Variants in ROR1 observed in about 807,000 individuals in gnomAD.
ROR1 encodes inactive tyrosine-protein kinase transmembrane receptor ROR1.
ROR1 carries 19 observed loss-of-function variants against 78.8 expected under a neutral mutation model. That is an observed-to-expected ratio of 0.24 (90% confidence interval 0.17 to 0.35). The LOEUF is 0.35. ROR1 is among the 10% of genes least tolerant of loss of function. The probability of loss-of-function intolerance (pLI) is 1.00; values close to 1 mark genes in which losing one functional copy is unlikely to be tolerated. For missense variants in ROR1, 917 were observed against 1,177.8 expected (o/e 0.78, Z 3.24); for synonymous variants, 386 against 433.6 (o/e 0.89, Z 1.36).
chr1:64,078,856 C>T (rs562325270), intron 4 of ROR1, among the ~76,000 whole-genome samples: 3 of 152,064 alleles, frequency 2.0e-5, no homozygotes, highest in African/African-American at 4.8e-5. Flanking sequence ...ATTATAGAGG[C>T]CTTGGTGAAA....
At chr1:64,019,703 T>G (rs908903434) in intron 2 of ROR1, among the ~76,000 whole-genome samples, 2 of 152,140 alleles carry the variant, frequency 1.3e-5, no homozygotes, top group Non-Finnish European at 2.9e-5. Flanking sequence ...ATTGTCACAT[T>G]TAATCCTCAT....
intron 1 of ROR1, among the ~76,000 whole-genome samples, chr1:63,942,975 A>G (rs1645853259): frequency 1.3e-5 from 2 of 151,862 alleles, no homozygotes; most frequent in Admixed American, 1.3e-4. Flanking sequence ...CGATTGTCCC[A>G]GCTACTCAGG....
intron 2 of ROR1, among the ~76,000 whole-genome samples, chr1:64,011,913 G>A (rs2100545882): frequency 6.6e-6 from 1 of 152,304 alleles, no homozygotes; most frequent in African/African-American, 2.4e-5. Context: ...GAGACTATTT[G>A]GAAAGACTGA....
chr1:63,965,993 C>T (rs1166749081), intron 1 of ROR1, among the ~76,000 whole-genome samples: 4 of 152,200 alleles, frequency 2.6e-5, no homozygotes, highest in Non-Finnish European at 5.9e-5. Context: ...GGGGATAGGA[C>T]TGTTACTGAT....
chr1:64,009,180 G>T (rs1646454983), intron 1 of ROR1, 125 bp from the exon 2 acceptor site: 2 of 729,680 alleles, frequency 2.7e-6, no homozygotes, highest in Non-Finnish European at 4.9e-6. Flanking sequence ...TAAGCTATGG[G>T]ATTGCCGTGG....
chr1:63,980,052 T>C (rs576987108), intron 1 of ROR1, among the ~76,000 whole-genome samples: 1 of 152,032 alleles, frequency 6.6e-6, no homozygotes, highest in Non-Finnish European at 1.5e-5. Context: ...GGACCAATGA[T>C]GATAATGTGC....
intron 1 of ROR1, among the ~76,000 whole-genome samples, chr1:63,799,541 T>C (rs1281993240): frequency 6.6e-6 from 1 of 152,240 alleles, no homozygotes; most frequent in Non-Finnish European, 1.5e-5. Context: ...TTCTGCTTTT[T>C]TCCCATTTGT....
chr1:64,089,347 C>A (rs535769050), intron 4 of ROR1, among the ~76,000 whole-genome samples: 1 of 152,036 alleles, frequency 6.6e-6, no homozygotes, highest in Non-Finnish European at 1.5e-5. Flanking sequence ...GTAGCTGGGA[C>A]TACAGGCACA....
intron 4 of ROR1, among the ~76,000 whole-genome samples, chr1:64,119,638 C>CA (rs11338825): frequency 0.012 from 855 of 73,980 alleles, 4 homozygotes; most frequent in East Asian, 0.02. Context: ...GGCTCCGTCT[C>CA]AAAAAAAAAA....
chr1:63,938,673 C>T (rs563366916), intron 1 of ROR1, among the ~76,000 whole-genome samples: 5 of 152,242 alleles, frequency 3.3e-5, no homozygotes, highest in Middle Eastern at 3.4e-3. Context: ...TTTGTTTGTC[C>T]TTGTAATTTT....
intron 1 of ROR1, among the ~76,000 whole-genome samples, chr1:63,775,821 T>C (rs1182034346): frequency 6.6e-6 from 1 of 152,196 alleles, no homozygotes; most frequent in Non-Finnish European, 1.5e-5. Context: ...GATCCTATAA[T>C]GTGGTCGTGC....
At chr1:63,924,121 T>C (rs1407552507) in intron 1 of ROR1, among the ~76,000 whole-genome samples, 1 of 152,182 alleles carries the variant, frequency 6.6e-6, no homozygotes, top group Non-Finnish European at 1.5e-5. Flanking sequence ...TAGGTTTTCA[T>C]TTAGAGAACC....
At chr1:63,972,694 A>G (rs912335688) in intron 1 of ROR1, among the ~76,000 whole-genome samples, 4 of 152,172 alleles carry the variant, frequency 2.6e-5, no homozygotes, top group African/African-American at 9.7e-5. Context: ...AAGGTTGGGC[A>G]TGACCCACTG....
chr1:64,179,018 C>G lies in ROR1; in HGVS notation c.*163C>G. The stretch of plus-strand genomic sequence containing the variant: ...TGTCTTACCAAGCAGGACAGACACT[C>G]GGCCAGAAAAAAAAAAAAAAAAAAA... On this transcript the variant is annotated 3_prime_UTR_variant, in exon 9 of 9. Transcript: ENST00000371079. 3 of 188,462 alleles carry G rather than the reference C, an allele frequency of 1.6e-5. No homozygotes were observed. Among genetic ancestry groups the G allele is most frequent in the Non-Finnish European group, 9.2e-6 (1 of 109,226 alleles). 11.7% of individuals were successfully genotyped at this position (188,462 alleles called of 1,614,324 possible). A position where few individuals can be genotyped will look rare whatever the true frequency, so the allele number is the denominator to read the frequency against.
In ROR1 at chr1:64,140,194, C is replaced by T; in HGVS notation, c.696C>T (p.Phe232=). The T allele has an allele frequency of 6.2e-7, 1 of 1,614,142 alleles. No homozygotes were observed. Among genetic ancestry groups the T allele is most frequent in the Non-Finnish European group, 8.5e-7 (1 of 1,180,002 alleles). The stretch of plus-strand genomic sequence containing the variant: ...TTCCTTCCCTGTGCCACTATGCCTT[C>T]CCGTACTGCGATGAAACTTCATCCG... ...FAIPSLCHYA[F]PYCDETSSVP... The change falls in exon 6 of 9, where the codon TTC becomes TTT. Residue 232 remains phenylalanine, a synonymous_variant. Transcript: ENST00000371079.
intron 1 of ROR1, among the ~76,000 whole-genome samples, chr1:63,794,243 A>T (rs1193568614): frequency 6.6e-6 from 1 of 152,238 alleles, no homozygotes; most frequent in East Asian, 1.9e-4. Flanking sequence ...AAATTGGGGT[A>T]CTAATCATAT....
chr1:63,887,757 C>T (rs1345381137), intron 1 of ROR1, among the ~76,000 whole-genome samples: 1 of 152,162 alleles, frequency 6.6e-6, no homozygotes, highest in African/African-American at 2.4e-5. Context: ...ATACCTTGAA[C>T]AAATCTTTGA....
intron 4 of ROR1, among the ~76,000 whole-genome samples, chr1:64,088,329 G>A (rs11208350): frequency 0.46 from 69,602 of 151,406 alleles, 16,751 homozygotes; most frequent in East Asian, 0.6. Flanking sequence ...CTTACCAGGT[G>A]CCAACCACAG....
rs558893614 is a variant in ROR1 at position 63,856,116 on chromosome 1, C to T, written c.91+81608C>T. ...TCCTCCTCATCAGGGGTTATATTTC[C>T]CTGCTTTATGAATGCCTGGTAATTT... On this transcript the variant is annotated intron_variant, in intron 1 of 8. Coordinates refer to ENST00000371079, the MANE Select transcript of ROR1 (RefSeq NM_005012.4). Among the ~76,000 whole-genome samples, 266 of 151,590 alleles carry T rather than the reference C, an allele frequency of 1.8e-3. 2 individuals carry two copies. The highest frequency in any genetic ancestry group is 5.6e-3 in the Admixed American group (85 of 15,224).
Sources: gnomAD v4.1 joint callset for allele counts (sites outside exome capture counted in the v4.1 genomes callset) on GRCh38, gnomAD v4.1.1 for gene constraint, MANE v1.5 for transcripts, NCBI Gene and HGNC (gene_info 2026-07-23, HGNC 2026-07-21) for gene names.